TTC29: variants seen among roughly 807,000 people sequenced by gnomAD.
TTC29 encodes tetratricopeptide repeat protein 29.
Under a neutral mutation model 58.1 loss-of-function variants are expected in TTC29, and 49 were observed. That is an observed-to-expected ratio of 0.84 (90% CI 0.67 to 1.07). The LOEUF is 1.07. Ranked by LOEUF, TTC29 falls within the 50% of genes least tolerant of loss-of-function variation. The probability of loss-of-function intolerance (pLI) is 0.00; values close to 1 mark genes in which losing one functional copy is unlikely to be tolerated. For synonymous variants in TTC29, 209 were observed against 196.8 expected, an observed-to-expected ratio of 1.06 and a Z score of -0.52; for missense variants, 582 against 555.6, an observed-to-expected ratio of 1.05 and a Z score of -0.48.
chr4:146,870,301 T>C (rs990082055), intron 7 of TTC29, among the ~76,000 whole-genome samples: 12 of 151,980 alleles, frequency 7.9e-5, no homozygotes, highest in African/African-American at 2.9e-4. Context: ...AAAAATACTC[T>C]GAGATGGATG....
In TTC29 at chr4:146,707,126, C is replaced by G; in HGVS notation, c.*32G>C. 2 of 1,504,278 alleles carry G rather than the reference C, an allele frequency of 1.3e-6. No individual in the cohort carries two copies. The highest frequency in any genetic ancestry group is 8.9e-7 in the Non-Finnish European group (1 of 1,117,974). The allele number at this position is 1,504,278 out of a possible 1,614,324, so 93.2% of individuals were successfully genotyped here. ...AAGTCTAAGGTGACATGATGGATTT[C>G]TTCTTGCTTTGATGTTAAGTGAAAA... On this transcript the variant is annotated 3_prime_UTR_variant, in exon 13 of 13. Transcript: ENST00000325106.
intron 9 of TTC29, among the ~76,000 whole-genome samples, chr4:146,831,962 A>C (rs150994779): frequency 6.6e-6 from 1 of 152,098 alleles, no homozygotes; most frequent in African/African-American, 2.4e-5. Context: ...AGGTCTTGCT[A>C]TGTTGCCCAG....
intron 5 of TTC29, among the ~76,000 whole-genome samples, chr4:146,906,640 T>A (rs1259624636): frequency 6.6e-6 from 1 of 152,248 alleles, no homozygotes; most frequent in African/African-American, 2.4e-5. Flanking sequence ...ATAAAGTTCA[T>A]GTGTTGAATG....
intron 11 of TTC29, among the ~76,000 whole-genome samples, chr4:146,728,860 C>T (rs13119382): frequency 0.52 from 32,186 of 61,746 alleles, 12,823 homozygotes; most frequent in African/African-American, 0.78. Flanking sequence ...TATATATACA[C>T]ATATATATGT....
At chr4:146,751,560 A>G (rs1177608640) in intron 11 of TTC29, among the ~76,000 whole-genome samples, 1 of 152,208 alleles carries the variant, frequency 6.6e-6, no homozygotes, top group African/African-American at 2.4e-5. Flanking sequence ...GAAAATTCAC[A>G]AATTGTGGAA....
intron 11 of TTC29, among the ~76,000 whole-genome samples, chr4:146,802,232 C>T (rs1750282471): frequency 6.6e-6 from 1 of 151,990 alleles, no homozygotes; most frequent in African/African-American, 2.4e-5. Flanking sequence ...TTGTTTTCTG[C>T]CATTCTGGGC....
chr4:146,828,030 A>G (rs905789106), intron 9 of TTC29, among the ~76,000 whole-genome samples: 2 of 152,132 alleles, frequency 1.3e-5, no homozygotes, highest in African/African-American at 4.8e-5. Flanking sequence ...TTATTGGTAA[A>G]AGAGTCTTCT....
intron 5 of TTC29, 99 bp from the exon 6 acceptor site, chr4:146,903,828 T>G: frequency 2.2e-6 from 2 of 898,450 alleles, no homozygotes; most frequent in East Asian, 6.5e-5. Flanking sequence ...TATTTTTCCT[T>G]AAAGATGTGA....
At chr4:146,748,833 C>A (rs1579584694) in intron 11 of TTC29, among the ~76,000 whole-genome samples, 1 of 152,174 alleles carries the variant, frequency 6.6e-6, no homozygotes, top group East Asian at 1.9e-4. Flanking sequence ...ACAGATGAAA[C>A]AATAAAGGAA....
At chr4:146,709,103 A>G (rs1416320501) in intron 11 of TTC29, among the ~76,000 whole-genome samples, 1 of 152,098 alleles carries the variant, frequency 6.6e-6, no homozygotes, top group Non-Finnish European at 1.5e-5. Context: ...TCACTGTACT[A>G]CTACTTTCTT....
intron 6 of TTC29, among the ~76,000 whole-genome samples, chr4:146,882,808 T>C (rs906815805): frequency 2.6e-5 from 4 of 152,022 alleles, no homozygotes; most frequent in Admixed American, 6.6e-5. Context: ...GATGGATGAT[T>C]AACGTGTTAT....
At chr4:146,769,308 A>G (rs1477955405) in intron 11 of TTC29, among the ~76,000 whole-genome samples, 1 of 152,002 alleles carries the variant, frequency 6.6e-6, no homozygotes, top group African/African-American at 2.4e-5. Context: ...TATCAGCAAT[A>G]AAAATACTAT....
rs368719000 is a variant in TTC29 at position 146,741,815 on chromosome 4, G to A, written c.1331-34264C>T. Among the ~76,000 whole-genome samples the A allele has an allele frequency of 1.2e-4, 19 of 152,068 alleles. No individual in the cohort carries two copies. In the East Asian group the frequency reaches 1.4e-3, roughly 11 times the overall value. The stretch of plus-strand genomic sequence containing the variant: ...CTGGGTGAATTCCTACTCTACTCCC[G>A]TCACAACTTGAAAGCATTTCCATGG... On this transcript the variant is annotated intron_variant, in intron 11 of 12. Coordinates refer to ENST00000325106, the MANE Select transcript of TTC29 (RefSeq NM_031956.4).
intron 11 of TTC29, among the ~76,000 whole-genome samples, chr4:146,744,623 T>C (rs1745408877): frequency 6.6e-6 from 1 of 151,980 alleles, no homozygotes; most frequent in African/African-American, 2.4e-5. Flanking sequence ...CAGTGTGGAG[T>C]GACAGAAATC....
At chr4:146,747,793 G>A (rs1745659754) in intron 11 of TTC29, among the ~76,000 whole-genome samples, 2 of 152,200 alleles carry the variant, frequency 1.3e-5, no homozygotes, top group African/African-American at 2.4e-5. Flanking sequence ...AATATGTGTT[G>A]CCTCACATCC....
At chr4:146,853,405 A>G (rs1729633994) in intron 8 of TTC29, among the ~76,000 whole-genome samples, 1 of 152,152 alleles carries the variant, frequency 6.6e-6, no homozygotes, top group Non-Finnish European at 1.5e-5. Flanking sequence ...ACATATCAGT[A>G]ATACTTTCAT....
At chr4:146,829,478 T>C (rs1728022909) in intron 9 of TTC29, among the ~76,000 whole-genome samples, 1 of 152,164 alleles carries the variant, frequency 6.6e-6, no homozygotes, top group Admixed American at 6.5e-5. Flanking sequence ...GGGCCACAGA[T>C]GAAAGTAATA....
intron 6 of TTC29, among the ~76,000 whole-genome samples, chr4:146,888,571 C>T (rs1282584854): frequency 1.3e-5 from 2 of 152,132 alleles, no homozygotes; most frequent in African/African-American, 2.4e-5. Flanking sequence ...TATACAGGCC[C>T]ATGTGCCAAG....
intron 10 of TTC29, among the ~76,000 whole-genome samples, chr4:146,815,029 G>A (rs1751307268): frequency 6.6e-6 from 1 of 152,194 alleles, no homozygotes; most frequent in African/African-American, 2.4e-5. Context: ...CATATTTTAG[G>A]ACAGGGTAGG....
Sources: allele counts gnomAD v4.1 joint callset (sites outside exome capture counted in the v4.1 genomes callset), GRCh38; gene constraint gnomAD v4.1.1; transcripts MANE v1.5; gene names NCBI Gene and HGNC (gene_info 2026-07-23, HGNC 2026-07-21).